KATNIP: variants seen among roughly 807,000 people sequenced by gnomAD.
The protein encoded by KATNIP is katanin-interacting protein.
In KATNIP, 126 loss-of-function variants were observed where a neutral mutation model predicts 174.0. The ratio of observed to expected loss-of-function variants is 0.72; its 90% CI spans 0.63 to 0.84. The LOEUF (loss-of-function observed/expected upper bound fraction) is 0.84, where lower values mean the gene tolerates loss of function less well. KATNIP is among the 40% of genes least tolerant of loss of function. The pLI is 0.00. For missense variants in KATNIP, 1,958 were observed against 2,109.7 expected, an observed-to-expected ratio of 0.93 and a Z score of 1.41; for synonymous variants, 810 against 835.7, an observed-to-expected ratio of 0.97 and a Z score of 0.53.
At chr16:27,630,094 C>G (rs2076443166) in intron 4 of KATNIP, among the ~76,000 whole-genome samples, 1 of 152,182 alleles carries the variant, frequency 6.6e-6, no homozygotes, top group African/African-American at 2.4e-5. Context: ...GTCAGAATGC[C>G]TTTAAGGTAG....
intron 1 of KATNIP, among the ~76,000 whole-genome samples, chr16:27,563,848 G>A (rs1200816270): frequency 1.1e-4 from 15 of 131,250 alleles, no homozygotes; most frequent in African/African-American, 3.2e-4. Flanking sequence ...CCAGGAGTTC[G>A]AGACCAGCTA....
At chr16:27,675,036 A>G (rs1298826577) in intron 6 of KATNIP, among the ~76,000 whole-genome samples, 1 of 152,210 alleles carries the variant, frequency 6.6e-6, no homozygotes, top group Non-Finnish European at 1.5e-5. Context: ...CCCAAATACA[A>G]TGGTGGATAG....
intron 3 of KATNIP, among the ~76,000 whole-genome samples, chr16:27,621,136 T>A (rs2076182925): frequency 1.3e-5 from 2 of 151,976 alleles, no homozygotes; most frequent in Non-Finnish European, 2.9e-5. Flanking sequence ...AATAGCCAGG[T>A]GTGGTGGCAT....
chr16:27,746,576 C>A (rs146550298), intron 15 of KATNIP, among the ~76,000 whole-genome samples: 9 of 152,256 alleles, frequency 5.9e-5, no homozygotes, highest in Non-Finnish European at 1.5e-5. Flanking sequence ...CATTTCCACA[C>A]ACCAGGAGCT....
intron 14 of KATNIP, 84 bp from the exon 15 acceptor site, chr16:27,739,957 T>C: frequency 7.1e-7 from 1 of 1,415,198 alleles, no homozygotes; most frequent in Non-Finnish European, 9.6e-7. Context: ...TTTTCTTTTC[T>C]TTTTTTGGTA....
rs955268258 is a variant in KATNIP, at chr16:27,677,656, A to G, written c.541-73A>G. On this transcript the variant is annotated intron_variant, in intron 6 of 27. Coordinates refer to ENST00000261588, the MANE Select transcript of KATNIP (RefSeq NM_015202.5). ...TGGGGAGAATAATTCTTTGGTTCAA[A>G]TGATCTATTTTCAAATAAGTTTTTC... is the stretch of plus-strand genomic sequence containing the variant. 27 of 1,411,274 alleles carry G rather than the reference A, an allele frequency of 1.9e-5. No individual in the cohort carries two copies. The African/African-American group carries it at 3.7e-4, about 19-fold the overall frequency. 87.4% of individuals were successfully genotyped at this position (1,411,274 alleles called of 1,614,324 possible).
intron 2 of KATNIP, among the ~76,000 whole-genome samples, chr16:27,618,065 G>T (rs1054843798): frequency 1.3e-5 from 2 of 152,112 alleles, no homozygotes; most frequent in Non-Finnish European, 2.9e-5. Flanking sequence ...AACTGATTTG[G>T]GTTGCCTCTG....
At chr16:27,630,957 A>T in intron 4 of KATNIP, 108 bp from the exon 5 acceptor site, 1 of 804,848 alleles carries the variant, frequency 1.2e-6, no homozygotes, top group Non-Finnish European at 2.1e-6. Flanking sequence ...CATACACAAG[A>T]CTTTGGGCAC....
intron 8 of KATNIP, among the ~76,000 whole-genome samples, chr16:27,682,468 A>G (rs1268501019): frequency 6.6e-6 from 1 of 152,166 alleles, no homozygotes; most frequent in Admixed American, 6.5e-5. Flanking sequence ...CCTGGCCTAT[A>G]GGGAGCTGGG....
At chr16:27,632,499 G>A in intron 5 of KATNIP, 1 of 420,512 alleles carries the variant, frequency 2.4e-6, no homozygotes, top group South Asian at 1.6e-5. Flanking sequence ...GGCATTAGCA[G>A]GATCTGAGGG....
intron 12 of KATNIP, among the ~76,000 whole-genome samples, chr16:27,705,954 A>G (rs942211148): frequency 2.0e-5 from 3 of 152,198 alleles, no homozygotes; most frequent in African/African-American, 7.2e-5. Flanking sequence ...CTGGGATTAC[A>G]GCTGTGAGTC....
Position 27,749,756 on chromosome 16 carries a change from C to T in KATNIP, c.2796C>T (p.Ser932=). 1.2e-6 allele frequency: 2 copies of T among 1,610,348 alleles called. No individual in the cohort carries two copies. The highest frequency in any genetic ancestry group is 1.7e-6 in the Non-Finnish European group (2 of 1,178,078). ...DILDELLQQK[S]SRHSDLPPSK... ...TGGATGAGCTCCTGCAGCAAAAGAGCAGCCGGCACAGCGACTTGCCCCCCT... is the reference window on the plus strand; with the variant it reads ...TGGATGAGCTCCTGCAGCAAAAGAGTAGCCGGCACAGCGACTTGCCCCCCT... The change falls in exon 16 of 28, where the codon AGC becomes AGT. Residue 932 remains serine, a synonymous_variant. Coordinates refer to ENST00000261588, the MANE Select transcript of KATNIP (RefSeq NM_015202.5).
chr16:27,608,608 C>T (rs1567489075), intron 2 of KATNIP, among the ~76,000 whole-genome samples: 1 of 151,792 alleles, frequency 6.6e-6, no homozygotes, highest in Admixed American at 6.6e-5. Context: ...GCCTCGAGCT[C>T]CTGGGCTCAA....
In KATNIP at chr16:27,628,773, C is replaced by A. The variant is rs150389178; in HGVS notation, c.253C>A (p.Arg85=). 2.5e-6 allele frequency: 4 copies of A among 1,614,176 alleles called. No homozygotes were observed. Among genetic ancestry groups the A allele is most frequent in the Non-Finnish European group, 3.4e-6 (4 of 1,180,026 alleles). ...GANSELKSSP[R]KAIHSDFSRS... ...CAATTCGGAGCTGAAATCATCACCG[C>A]GGAAAGCTATTCACTCTGACTTCTC... is the stretch of plus-strand genomic sequence containing the variant. The change falls in exon 4 of 28, where the codon CGG becomes AGG. Residue 85 remains arginine (R), a synonymous_variant. Coordinates refer to ENST00000261588, the MANE Select transcript of KATNIP (RefSeq NM_015202.5).
At chr16:27,603,841 A>G (rs919401881) in intron 2 of KATNIP, among the ~76,000 whole-genome samples, 2 of 151,506 alleles carry the variant, frequency 1.3e-5, no homozygotes, top group African/African-American at 4.9e-5. Flanking sequence ...GGTTCAAGCA[A>G]TTCTCCTGCC....
intron 22 of KATNIP, 121 bp from the exon 23 acceptor site, chr16:27,772,978 A>G: frequency 4.8e-6 from 3 of 625,344 alleles, no homozygotes; most frequent in Non-Finnish European, 8.5e-6. Context: ...CAATAAGAGA[A>G]AAATGTTTTT....
intron 6 of KATNIP, among the ~76,000 whole-genome samples, chr16:27,676,126 T>C (rs933246912): frequency 6.6e-6 from 1 of 152,170 alleles, no homozygotes. Flanking sequence ...CCTCAGTCTG[T>C]CTCTTTCCTC....
At chr16:27,550,453 A>G (rs563128699) in intron 1 of KATNIP, among the ~76,000 whole-genome samples, 21 of 151,974 alleles carry the variant, frequency 1.4e-4, no homozygotes, top group African/African-American at 4.3e-4. Flanking sequence ...GGGGAAGGAG[A>G]AGTAGAGGTC....
intron 13 of KATNIP, among the ~76,000 whole-genome samples, chr16:27,713,844 A>ATC (rs1422494976): frequency 1.4e-5 from 1 of 69,260 alleles, no homozygotes; most frequent in South Asian, 4.0e-4. Context: ...ATATATATAT[A>ATC]TATATATATA....
Sources: allele counts gnomAD v4.1 joint callset (sites outside exome capture counted in the v4.1 genomes callset), GRCh38; gene constraint gnomAD v4.1.1; transcripts MANE v1.5; gene names NCBI Gene and HGNC (gene_info 2026-07-23, HGNC 2026-07-21).